Variants in ELF4 observed in about 807,000 individuals in gnomAD.
ELF4 encodes the protein E74 like ETS transcription factor 4.
ELF4 carries 10 observed loss-of-function variants against 31.7 expected under a neutral mutation model. The observed-to-expected ratio is 0.32, with a 90% CI of 0.19 to 0.54. The LOEUF (loss-of-function observed/expected upper bound fraction) is 0.54. Among genes scored for constraint, ELF4 ranks in the 20% least tolerant of loss-of-function variants. The pLI, the probability that ELF4 is intolerant of heterozygous loss-of-function variation, is 0.95. For missense variants in ELF4, 418 were observed against 522.0 expected (o/e 0.80, Z 1.94); for synonymous variants, 208 against 226.7 (o/e 0.92, Z 0.74).
At chrX:130,111,483 C>T (rs745387954), upstream of ELF4, among the ~76,000 whole-genome samples, 826 of 112,798 alleles carry the variant, frequency 7.3e-3, 6 homozygotes, top group Non-Finnish European at 0.013. Flanking sequence ...CCGCGAGATG[C>T]CCAGAGGATA....
chrX:130,070,933 C>A (rs1820249524), intron 7 of ELF4, 107 bp downstream of exon 7: 1 of 1,084,772 alleles, frequency 9.2e-7, no homozygotes, highest in Non-Finnish European at 1.3e-6. Flanking sequence ...AGACTCGTTT[C>A]CTTAGGATCA....
chrX:130,086,925 G>A (rs1016654770), intron 1 of ELF4, among the ~76,000 whole-genome samples: 1 of 111,950 alleles, frequency 8.9e-6, no homozygotes, highest in African/African-American at 3.3e-5. Flanking sequence ...AGGGAGGGAG[G>A]AGCAGGCTGC....
Position 130,071,111 on chromosome X carries a change from A to G in ELF4, c.738T>C (p.Ala246=). 8.3e-7 allele frequency: 1 copy of G among 1,211,422 alleles called. No homozygotes were observed. Among genetic ancestry groups the G allele is most frequent in the Non-Finnish European group, 1.1e-6 (1 of 895,431 alleles). The change falls in exon 7 of 9, where the codon GCT becomes GCC. Residue 246 remains alanine, a synonymous_variant. Transcript: ENST00000308167. ...KGIFKLVDSK[A]VSKLWGKQKN... ...TCTGCTTCCCCCACAGCTTGGACAC[A>G]GCTTTGGAGTCCACCAGTTTGAAGA...
chrX:130,103,306 A>C (rs1391042078), intron 1 of ELF4, among the ~76,000 whole-genome samples: 1 of 112,623 alleles, frequency 8.9e-6, no homozygotes, highest in Non-Finnish European at 1.9e-5. Context: ...TCTTGTATCC[A>C]AAAAATATAA....
At chrX:130,094,482 G>A (rs1338983419) in intron 1 of ELF4, among the ~76,000 whole-genome samples, 1 of 103,023 alleles carries the variant, frequency 9.7e-6, no homozygotes, top group Non-Finnish European at 2.0e-5. Context: ...CAGGAGAATC[G>A]CTTGAAACCC....
chrX:130,091,263 C>T (rs967658501), intron 1 of ELF4, among the ~76,000 whole-genome samples: 14 of 110,130 alleles, frequency 1.3e-4, no homozygotes, highest in African/African-American at 4.6e-4. Flanking sequence ...CCCGTCTCTA[C>T]TAAAAATACA....
chrX:130,110,822 G>C (rs1933474173), upstream of ELF4: 1 of 105,559 alleles, frequency 9.5e-6, no homozygotes, highest in South Asian at 4.3e-4. Flanking sequence ...CGGGGCGGCA[G>C]GGGCGCCCGG....
At chrX:130,077,170 T>C (rs1434169623) in intron 2 of ELF4, among the ~76,000 whole-genome samples, 2 of 111,950 alleles carry the variant, frequency 1.8e-5, no homozygotes, top group East Asian at 5.5e-4. Context: ...AATAAAAACT[T>C]TGGAGAGCTT....
intron 1 of ELF4, among the ~76,000 whole-genome samples, chrX:130,102,834 C>T (rs944922096): frequency 1.6e-5 from 1 of 63,686 alleles, no homozygotes; most frequent in Non-Finnish European, 3.0e-5. Context: ...AAGAAGAAAG[C>T]AAGAAAGCAA....
chrX:130,095,206 C>T (rs750648863), intron 1 of ELF4, among the ~76,000 whole-genome samples: 1 of 112,344 alleles, frequency 8.9e-6, no homozygotes, highest in East Asian at 2.8e-4. Flanking sequence ...GCTACACCGT[C>T]CCTGCAAAGG....
chrX:130,095,659 G>A (rs1266911080), intron 1 of ELF4, among the ~76,000 whole-genome samples: 1 of 111,720 alleles, frequency 9.0e-6, no homozygotes, highest in African/African-American at 3.3e-5. Flanking sequence ...GACCATGTGA[G>A]CTCCTGTGGC....
At chrX:130,070,164 G>A (rs1242066328) in intron 7 of ELF4, among the ~76,000 whole-genome samples, 1 of 111,519 alleles carries the variant, frequency 9.0e-6, no homozygotes, top group South Asian at 3.8e-4. Flanking sequence ...GGCCAGGCGC[G>A]GTGGCTCACG....
chrX:130,071,499 C>T, intron 5 of ELF4, 80 bp from the exon 6 acceptor site: 1 of 1,006,385 alleles, frequency 9.9e-7, no homozygotes, highest in South Asian at 2.0e-5. Flanking sequence ...TGTGACAAAG[C>T]CAACAAGGAG....
At chrX:130,072,162 A>C (rs1209172817) in intron 5 of ELF4, 64 bp downstream of exon 5, 1 of 1,168,402 alleles carries the variant, frequency 8.6e-7, no homozygotes, top group African/African-American at 1.8e-5. Context: ...ATGAGCCCTG[A>C]CCGCCCCCCC....
chrX:130,074,023 G>A (rs371050550), intron 4 of ELF4, 26 bp downstream of exon 4: 22 of 1,192,205 alleles, frequency 1.8e-5, no homozygotes, highest in Non-Finnish European at 2.4e-5. Context: ...GTTGCCTTGA[G>A]TTCAGGCACT....
intron 1 of ELF4, among the ~76,000 whole-genome samples, chrX:130,102,192 C>T (rs957736178): frequency 8.9e-6 from 1 of 112,685 alleles, no homozygotes; most frequent in African/African-American, 3.2e-5. Flanking sequence ...CAAAAATTAA[C>T]GCAAGTGGGA....
rs941098579 is a variant in ELF4 at position 130,064,411 on chromosome X, C to T, written c.*2310G>A. Among the ~76,000 whole-genome samples, 8 of 111,928 alleles carry T rather than the reference C, an allele frequency of 7.1e-5. No individual in the cohort carries two copies. The highest frequency in any genetic ancestry group is 1.5e-4 in the Non-Finnish European group (8 of 53,172). ...CGAGATTGCACCACTGCACTCCAGC[C>T]GACAGAGCAAGACTCTGACTCAAAA... On this transcript the variant is annotated 3_prime_UTR_variant, in exon 9 of 9. Transcript: ENST00000308167.
chrX:130,095,208 C>T (rs113862105), intron 1 of ELF4, among the ~76,000 whole-genome samples: 337 of 111,960 alleles, frequency 3.0e-3, no homozygotes, highest in Non-Finnish European at 5.3e-3. Context: ...TACACCGTCC[C>T]TGCAAAGGAG....
In ELF4 at chrX:130,069,527, A is replaced by G; in HGVS notation, c.960T>C (p.Ser320=). The change falls in exon 8 of 9, where the codon TCT becomes TCC. Residue 320 remains serine, a synonymous_variant. Coordinates refer to ENST00000308167, the MANE Select transcript of ELF4 (RefSeq NM_001421.4). The part of the protein sequence containing the change: ...TAAPPQASTA[S]VASASTTRRT... Reference sequence around the variant, plus strand: ...GCCGGGTGGTACTGGCAGAGGCCACAGAGGCCGTGGAGGCCTGAGGTGGGG... The same window carrying G: ...GCCGGGTGGTACTGGCAGAGGCCACGGAGGCCGTGGAGGCCTGAGGTGGGG... 1 of 1,212,302 alleles carries G rather than the reference A, an allele frequency of 8.2e-7. No homozygotes were observed.
Sources: gnomAD v4.1 joint callset for allele counts (sites outside exome capture counted in the v4.1 genomes callset) on GRCh38, gnomAD v4.1.1 for gene constraint, MANE v1.5 for transcripts, NCBI Gene and HGNC (gene_info 2026-07-23, HGNC 2026-07-21) for gene names.